SLC25A32: variants seen among roughly 807,000 people sequenced by gnomAD.
SLC25A32 encodes solute carrier family 25 member 32.
Under a neutral mutation model 39.0 loss-of-function variants are expected in SLC25A32, and 32 were observed. The observed-to-expected ratio is 0.82, with a 90% CI of 0.62 to 1.10. SLC25A32 has a LOEUF of 1.10. Ranked by LOEUF, SLC25A32 falls within the 50% of genes least tolerant of loss-of-function variation. The pLI, the probability that SLC25A32 is intolerant of heterozygous loss-of-function variation, is 0.00. For synonymous variants in SLC25A32, 166 were observed against 152.4 expected (o/e 1.09, Z -0.66); for missense variants, 367 against 395.3 (o/e 0.93, Z 0.61).
rs1378971615 is a variant in SLC25A32 at position 103,398,703 on chromosome 8, T to C, written c.*1708A>G. On this transcript the variant is annotated 3_prime_UTR_variant, in exon 7 of 7. Coordinates refer to ENST00000297578, the MANE Select transcript of SLC25A32 (RefSeq NM_030780.5). ...GAGTACATAGGCGGTATTTAAACAATGGTGCTATCTTAAACACCAAATATC... is the reference window on the plus strand; with the variant it reads ...GAGTACATAGGCGGTATTTAAACAACGGTGCTATCTTAAACACCAAATATC... 1 of 152,252 alleles carries C rather than the reference T, an allele frequency of 6.6e-6. No homozygotes were observed. The highest frequency in any genetic ancestry group is 2.4e-5 in the African/African-American group (1 of 41,466). The allele number at this position is 152,252 out of a possible 1,614,324, so 9.4% of individuals were successfully genotyped here. A position where few individuals can be genotyped will look rare whatever the true frequency, so the allele number is the denominator to read the frequency against.
intron 4 of SLC25A32, among the ~76,000 whole-genome samples, chr8:103,402,899 A>G (rs1318257998): frequency 1.3e-5 from 2 of 152,244 alleles, no homozygotes; most frequent in African/African-American, 4.8e-5. Flanking sequence ...ACCTGGTTGT[A>G]TAACTTATCA....
rs1816168026 is a variant in SLC25A32 at position 103,399,385 on chromosome 8, A to T, written c.*1026T>A. The T allele has an allele frequency of 6.6e-6, 1 of 152,222 alleles. No homozygotes were observed. Among genetic ancestry groups the T allele is most frequent in the Non-Finnish European group, 1.5e-5 (1 of 68,038 alleles). 9.4% of individuals were successfully genotyped at this position (152,222 alleles called of 1,614,324 possible). A position where few individuals can be genotyped will look rare whatever the true frequency, so the allele number is the denominator to read the frequency against. On this transcript the variant is annotated 3_prime_UTR_variant, in exon 7 of 7. Coordinates refer to ENST00000297578, the MANE Select transcript of SLC25A32 (RefSeq NM_030780.5). ...TAGAAGCTCAGATTTTATAAATTTAAAATAGATTAAGTATTTATGCCAAAA... is the reference window on the plus strand; with the variant it reads ...TAGAAGCTCAGATTTTATAAATTTATAATAGATTAAGTATTTATGCCAAAA...
Position 103,404,960 on chromosome 8 carries a change from C to T in SLC25A32, c.306-99G>A. On this transcript the variant is annotated intron_variant, in intron 2 of 6. Transcript: ENST00000297578. ...ACAGCAGTACCCCAAAAGCACAAGT[C>T]AATGCATAATGCAACCACAAAATGA... 2.9e-6 allele frequency: 2 copies of T among 692,512 alleles called. 1 individual carries two copies. The highest frequency in any genetic ancestry group is 4.2e-5 in the South Asian group (2 of 48,058). The allele number at this position is 692,512 out of a possible 1,614,324, so 42.9% of individuals were successfully genotyped here.
In SLC25A32 at chr8:103,407,651, C is replaced by G; in HGVS notation, c.288G>C (p.Trp96Cys). 1 of 1,592,716 alleles carries G rather than the reference C, an allele frequency of 6.3e-7. No homozygotes were observed. The highest frequency in any genetic ancestry group is 8.6e-7 in the Non-Finnish European group (1 of 1,167,344). Residue 96 changes from tryptophan to cysteine, a missense_variant, in exon 2 of 7, where the codon TGG becomes TGC. Coordinates refer to ENST00000297578, the MANE Select transcript of SLC25A32 (RefSeq NM_030780.5). The part of the protein sequence containing the change: ...TPNIWGAGLS[W>C]GLYFFFYNAI... ...CTACTCACAAGAAAAAGTAGAGTCC[C>G]CAGGATAAACCTGCACCCCATATAT...
Position 103,401,576 on chromosome 8 carries a change from C to T in SLC25A32, c.752G>A (p.Arg251His), listed in dbSNP as rs1274203697. ...ATYPYQVVRA[R>H]LQDQHMFYSG... ...GTAAAACATGTGTTGATCCTGAAGA[C>T]GAGCTCTTACGACTTGATATGGGTA... is the stretch of plus-strand genomic sequence containing the variant. Residue 251 changes from arginine to histidine, a missense_variant, in exon 6 of 7, where the codon CGT becomes CAT. Arg to His is a conservative substitution (Grantham distance 29). Coordinates refer to ENST00000297578, the MANE Select transcript of SLC25A32 (RefSeq NM_030780.5). 6 of 1,613,752 alleles carry T rather than the reference C, an allele frequency of 3.7e-6. No homozygotes were observed. Among genetic ancestry groups the T allele is most frequent in the African/African-American group, 1.3e-5 (1 of 74,908 alleles).
intron 5 of SLC25A32, 89 bp downstream of exon 5, chr8:103,401,852 C>T (rs753803892): frequency 9.3e-7 from 1 of 1,073,592 alleles, no homozygotes; most frequent in Non-Finnish European, 1.4e-6. Context: ...ATCATCATAG[C>T]ACTACCACCA....
intron 1 of SLC25A32, among the ~76,000 whole-genome samples, chr8:103,413,163 T>C (rs1274355828): frequency 2.0e-5 from 3 of 152,208 alleles, no homozygotes; most frequent in Non-Finnish European, 4.4e-5. Context: ...GTACCAAGAA[T>C]TCCCTTTCCT....
chr8:103,404,691 A>T, intron 3 of SLC25A32, 85 bp downstream of exon 3: 2 of 788,108 alleles, frequency 2.5e-6, no homozygotes, highest in Non-Finnish European at 4.3e-6. Context: ...ATTTAAACTC[A>T]GGTGTTCAAA....
Position 103,400,260 on chromosome 8 carries a change from C to T in SLC25A32, c.*151G>A. 1.2e-6 allele frequency: 1 copy of T among 863,116 alleles called. No homozygotes were observed. Among genetic ancestry groups the T allele is most frequent in the African/African-American group, 1.7e-5 (1 of 58,270 alleles). The allele number at this position is 863,116 out of a possible 1,614,324, so 53.5% of individuals were successfully genotyped here. ...AAGGCAAAAAGCAAGAAAAACATTGCAGGAGACTTAGCAGTTCTCTGGCTT... is the reference window on the plus strand; with the variant it reads ...AAGGCAAAAAGCAAGAAAAACATTGTAGGAGACTTAGCAGTTCTCTGGCTT... On this transcript the variant is annotated 3_prime_UTR_variant, in exon 7 of 7. Transcript: ENST00000297578.
chr8:103,414,585 C>G (rs1045966790), intron 1 of SLC25A32, 199 bp downstream of exon 1: 1 of 682,064 alleles, frequency 1.5e-6, no homozygotes, highest in Non-Finnish European at 2.4e-6. Context: ...TGCCCCCTCT[C>G]TTAGTCTTGA....
intron 1 of SLC25A32, among the ~76,000 whole-genome samples, chr8:103,412,667 A>G (rs950506039): frequency 2.0e-5 from 3 of 152,104 alleles, no homozygotes; most frequent in African/African-American, 7.2e-5. Context: ...AGTTCTCTAA[A>G]TATCTTGAGG....
intron 2 of SLC25A32, among the ~76,000 whole-genome samples, chr8:103,405,613 G>A (rs976209348): frequency 3.3e-5 from 5 of 151,860 alleles, no homozygotes; most frequent in Non-Finnish European, 7.4e-5. Flanking sequence ...CTTTAATGCC[G>A]ATTTCTACTT....
intron 2 of SLC25A32, among the ~76,000 whole-genome samples, chr8:103,406,117 A>C (rs939066047): frequency 6.6e-6 from 1 of 151,614 alleles, no homozygotes; most frequent in African/African-American, 2.4e-5. Context: ...CTATATATAC[A>C]TATATACATA....
intron 1 of SLC25A32, among the ~76,000 whole-genome samples, chr8:103,411,248 T>C (rs932111231): frequency 2.6e-5 from 4 of 152,266 alleles, no homozygotes; most frequent in African/African-American, 7.2e-5. Flanking sequence ...CTTAGTTAGA[T>C]ACGTTACTCT....
At chr8:103,409,311 T>C (rs1051703811) in intron 1 of SLC25A32, among the ~76,000 whole-genome samples, 4 of 152,200 alleles carry the variant, frequency 2.6e-5, no homozygotes, top group Non-Finnish European at 5.9e-5. Flanking sequence ...TCAAGATTAT[T>C]TGTGAGCACT....
chr8:103,409,062 G>A (rs1293697566), intron 1 of SLC25A32, among the ~76,000 whole-genome samples: 1 of 152,172 alleles, frequency 6.6e-6, no homozygotes, highest in African/African-American at 2.4e-5. Flanking sequence ...TAGGGCATGA[G>A]GGGTAGTTAA....
chr8:103,401,908 G>A, intron 5 of SLC25A32, 33 bp downstream of exon 5: 1 of 1,553,418 alleles, frequency 6.4e-7, no homozygotes, highest in Non-Finnish European at 8.8e-7. Context: ...CCCATAAAAG[G>A]AAATGATATC....
At chr8:103,414,704 C>G in intron 1 of SLC25A32, 80 bp downstream of exon 1, 13 of 1,583,834 alleles carry the variant, frequency 8.2e-6, no homozygotes, top group African/African-American at 1.3e-5. Context: ...TCCTCCTCCC[C>G]CTAGAACGGA....
rs535680910 is a variant in SLC25A32, at chr8:103,412,872, T to G, written c.154+1912A>C. On this transcript the variant is annotated intron_variant, in intron 1 of 6. Transcript: ENST00000297578. ...CTGTCATCATTAGATTTTAACTTTA[T>G]TAAATGAGTTTAATTACATGGAAGC... Among the ~76,000 whole-genome samples the G allele has an allele frequency of 2.0e-5, 3 of 152,342 alleles. No homozygotes were observed. The East Asian group carries it at 5.8e-4, about 29-fold the overall frequency.
Sources: gnomAD v4.1 joint callset for allele counts (sites outside exome capture counted in the v4.1 genomes callset) on GRCh38, gnomAD v4.1.1 for gene constraint, MANE v1.5 for transcripts, NCBI Gene and HGNC (gene_info 2026-07-23, HGNC 2026-07-21) for gene names.